The following USP10 variants were observed in gnomAD, a reference collection of about 807,000 sequenced individuals.
USP10 encodes the protein ubiquitin carboxyl-terminal hydrolase 10.
A neutral mutation model predicts 84.5 loss-of-function variants in USP10; 22 were observed. The observed-to-expected ratio is 0.26, with a 90% CI of 0.19 to 0.37. The LOEUF is 0.37. Ranked by LOEUF, USP10 falls within the 10% of genes least tolerant of loss-of-function variation. The probability of loss-of-function intolerance (pLI) is 1.00; values close to 1 mark genes in which losing one functional copy is unlikely to be tolerated. For synonymous variants in USP10, 454 were observed against 387.6 expected (o/e 1.17, Z -2.01); for missense variants, 1,019 against 998.9 (o/e 1.02, Z -0.27).
intron 1 of USP10, among the ~76,000 whole-genome samples, chr16:84,712,808 C>T (rs925770298): frequency 3.9e-5 from 6 of 152,172 alleles, no homozygotes; most frequent in African/African-American, 1.4e-4. Context: ...CTGACCCGCA[C>T]GTCACATATA....
At chr16:84,774,004 C>G (rs748541465) in intron 12 of USP10, among the ~76,000 whole-genome samples, 9 of 152,244 alleles carry the variant, frequency 5.9e-5, no homozygotes, top group African/African-American at 2.2e-4. Flanking sequence ...AATCCCAGCA[C>G]TTTGGGAGGC....
chr16:84,723,909 A>G (rs1567601942), intron 1 of USP10, among the ~76,000 whole-genome samples: 1 of 152,190 alleles, frequency 6.6e-6, no homozygotes. Context: ...GCCCCAGCAA[A>G]GATAGAACTG....
intron 1 of USP10, among the ~76,000 whole-genome samples, chr16:84,725,010 G>A (rs1033409012): frequency 6.6e-5 from 10 of 152,246 alleles, no homozygotes; most frequent in African/African-American, 2.2e-4. Context: ...TATAAGTACT[G>A]ACCTTTTTTA....
chr16:84,772,589 G>T lies in USP10; in HGVS notation c.2047G>T (p.Val683Leu). ...VTLEKLPPVL[V>L]LHLKRFVYEK... ...TCTGGAAAAACTCCCTCCTGTCCTC[G>T]TGCTGCACCTGAAACGATTCGTTTA... The change falls in exon 12 of 14, where the codon GTG becomes TTG. Residue 683 changes from valine (V) to leucine (L), a missense_variant. By Grantham distance (32) the Val-to-Leu change is conservative. This residue lies in a region of USP10 where 232 missense variants were observed against 290.1 expected (regional missense o/e 0.80). Coordinates refer to ENST00000219473, the MANE Select transcript of USP10 (RefSeq NM_005153.3). 6.2e-7 allele frequency: 1 copy of T among 1,613,940 alleles called. No homozygotes were observed. The highest frequency in any genetic ancestry group is 8.5e-7 in the Non-Finnish European group (1 of 1,179,858).
chr16:84,729,203 C>A (rs982378482), intron 1 of USP10, among the ~76,000 whole-genome samples: 3 of 152,216 alleles, frequency 2.0e-5, no homozygotes, highest in Non-Finnish European at 4.4e-5. Context: ...GATGTCTTAA[C>A]CTTCACATTT....
chr16:84,750,498 G>A (rs1304146955), intron 4 of USP10, among the ~76,000 whole-genome samples: 2 of 151,976 alleles, frequency 1.3e-5, no homozygotes, highest in East Asian at 1.9e-4. Context: ...TGGCAGACAC[G>A]TGGGGAGTGC....
chr16:84,755,829 C>G (rs1912471393), intron 4 of USP10, among the ~76,000 whole-genome samples: 1 of 151,172 alleles, frequency 6.6e-6, no homozygotes, highest in African/African-American at 2.4e-5. Flanking sequence ...ACTTGCTGGT[C>G]TTTTAATATA....
At chr16:84,763,572 C>G (rs1389768166) in intron 9 of USP10, among the ~76,000 whole-genome samples, 1 of 152,242 alleles carries the variant, frequency 6.6e-6, no homozygotes, top group Non-Finnish European at 1.5e-5. Flanking sequence ...AGAAAAACAA[C>G]TGTAATGACA....
In USP10 at chr16:84,700,045, G is replaced by A; in HGVS notation, c.-46G>A. ...GAAGATGGCGGCGGCGGGGGAAGCA[G>A]CGTGAGCAGCCGGAGGATCGCGGAG... On this transcript the variant is annotated 5_prime_UTR_variant, in exon 1 of 14. Transcript: ENST00000219473. 2.2e-6 allele frequency: 3 copies of A among 1,356,280 alleles called. No homozygotes were observed. Among genetic ancestry groups the A allele is most frequent in the Admixed American group, 2.6e-5 (1 of 39,074 alleles). The allele number at this position is 1,356,280 out of a possible 1,614,324, so 84.0% of individuals were successfully genotyped here. A position where few individuals can be genotyped will look rare whatever the true frequency, so the allele number is the denominator to read the frequency against.
intron 2 of USP10, among the ~76,000 whole-genome samples, chr16:84,734,733 G>T (rs992116033): frequency 6.6e-6 from 1 of 152,116 alleles, no homozygotes; most frequent in Non-Finnish European, 1.5e-5. Flanking sequence ...AGATAACGAA[G>T]ATATTTGTCT....
At chr16:84,762,939 C>G (rs756919470) in intron 8 of USP10, 50 bp from the exon 9 acceptor site, 4 of 1,223,930 alleles carry the variant, frequency 3.3e-6, no homozygotes, top group Admixed American at 2.0e-5. Context: ...TCCTGCAGGC[C>G]TTTGACAGTG....
chr16:84,768,318 G>C lies in USP10; in HGVS notation c.1958G>C (p.Arg653Thr). 1 of 1,610,418 alleles carries C rather than the reference G, an allele frequency of 6.2e-7. No individual in the cohort carries two copies. Among genetic ancestry groups the C allele is most frequent in the Non-Finnish European group, 8.5e-7 (1 of 1,178,216 alleles). The change falls in exon 11 of 14, where the codon AGA becomes ACA. Residue 653 changes from arginine to threonine, a missense_variant. Transcript: ENST00000219473. ...GATGCACTGGAGAGCTTGGTGGCAA[G>C]AGAATCTGTCCAAGGTTATACCACA... is the stretch of plus-strand genomic sequence containing the variant. Reference protein sequence around the residue: ...VQDALESLVARESVQGYTTKT... With the variant: ...VQDALESLVATESVQGYTTKT...
chr16:84,760,253 A>G lies in USP10; in HGVS notation c.1532A>G (p.Asn511Ser), dbSNP rs1182646717. 6.2e-7 allele frequency: 1 copy of G among 1,608,748 alleles called. No homozygotes were observed. The highest frequency in any genetic ancestry group is 2.2e-5 in the East Asian group (1 of 44,830). Residue 511 changes from asparagine to serine, a missense_variant, in exon 8 of 14, where the codon AAC (asparagine) becomes AGC (serine). Transcript: ENST00000219473. The stretch of plus-strand genomic sequence containing the variant: ...TATATTTACAGACTCCTGACAGTTA[A>G]CAAGTCAAGCCTGTCTGAAAAGGTT... ...PTYIYRLLTV[N>S]KSSLSEKGRQ... is the part of the protein sequence containing the mutation.
intron 12 of USP10, among the ~76,000 whole-genome samples, chr16:84,773,427 G>T (rs1914655871): frequency 1.3e-5 from 2 of 152,044 alleles, no homozygotes; most frequent in Admixed American, 6.6e-5. Flanking sequence ...CCGTCCCCTG[G>T]CACAGCAACC....
At chr16:84,756,110 A>G (rs1460348521) in intron 4 of USP10, among the ~76,000 whole-genome samples, 3 of 120,388 alleles carry the variant, frequency 2.5e-5, no homozygotes, top group South Asian at 3.2e-4. Flanking sequence ...CCATCTCCCA[A>G]CACCCCTTCA....
At chr16:84,700,760 C>T (rs1335451216) in intron 1 of USP10, among the ~76,000 whole-genome samples, 1 of 152,146 alleles carries the variant, frequency 6.6e-6, no homozygotes, top group Non-Finnish European at 1.5e-5. Context: ...TCCATCCCAG[C>T]CAGGCTGACA....
chr16:84,751,525 C>T (rs1461401619), intron 4 of USP10, among the ~76,000 whole-genome samples: 2 of 152,206 alleles, frequency 1.3e-5, no homozygotes, highest in East Asian at 3.8e-4. Flanking sequence ...AGAGTTTAGT[C>T]CACATCTGAT....
chr16:84,743,358 T>C (rs1358030087), intron 3 of USP10, among the ~76,000 whole-genome samples: 1 of 152,152 alleles, frequency 6.6e-6, no homozygotes, highest in Non-Finnish European at 1.5e-5. Flanking sequence ...CATACGAAGA[T>C]TCAGGAGGCC....
At chr16:84,765,089 C>G in intron 10 of USP10, among the ~76,000 whole-genome samples, 1 of 151,214 alleles carries the variant, frequency 6.6e-6, no homozygotes, top group East Asian at 1.9e-4. Flanking sequence ...AAAAAACCAG[C>G]TAACCAAACC....
Sources: allele counts gnomAD v4.1 joint callset (sites outside exome capture counted in the v4.1 genomes callset), GRCh38; gene constraint gnomAD v4.1.1; regional missense constraint gnomAD v4.1.1; transcripts MANE v1.5; gene names NCBI Gene and HGNC (gene_info 2026-07-23, HGNC 2026-07-21).